The following TPTE variants were observed in gnomAD, a reference collection of about 807,000 sequenced individuals.
TPTE encodes transmembrane phosphatase with tensin homology.
A neutral mutation model predicts 84.1 loss-of-function variants in TPTE; 59 were observed. The observed-to-expected ratio is 0.70, with a 90% CI of 0.57 to 0.87. The LOEUF (loss-of-function observed/expected upper bound fraction) is 0.87. TPTE is among the 40% of genes least tolerant of loss of function. TPTE has a pLI of 0.00. For synonymous variants in TPTE, 130 were observed against 223.5 expected, an observed-to-expected ratio of 0.58 and a Z score of 3.73; for missense variants, 382 against 659.6, an observed-to-expected ratio of 0.58 and a Z score of 4.61.
chr21:10,531,948 A>G (rs149296495), intron 3 of TPTE, among the ~76,000 whole-genome samples: 6 of 152,296 alleles, frequency 3.9e-5, no homozygotes, highest in Admixed American at 3.9e-4. Context: ...TTATGTAATC[A>G]TTGTCAATGA....
chr21:10,601,520 A>T (rs113959703), intron 21 of TPTE, among the ~76,000 whole-genome samples: 139 of 151,956 alleles, frequency 9.1e-4, no homozygotes, highest in African/African-American at 3.2e-3. Flanking sequence ...AGAAAAGAAA[A>T]GTGGTTCATG....
intron 9 of TPTE, among the ~76,000 whole-genome samples, chr21:10,560,761 T>C (rs964166747): frequency 2.0e-5 from 3 of 152,306 alleles, no homozygotes; most frequent in Admixed American, 2.0e-4. Flanking sequence ...TACTTTTCTC[T>C]CTTGAGGTGT....
At chr21:10,585,733 C>A (rs1215667852) in intron 17 of TPTE, among the ~76,000 whole-genome samples, 1 of 152,304 alleles carries the variant, frequency 6.6e-6, no homozygotes, top group Non-Finnish European at 1.5e-5. Context: ...AGAGTTTTCT[C>A]TGGAGAGAAG....
At chr21:10,581,870 G>A (rs1487612992) in intron 17 of TPTE, among the ~76,000 whole-genome samples, 1 of 152,422 alleles carries the variant, frequency 6.6e-6, no homozygotes, top group Non-Finnish European at 1.5e-5. Flanking sequence ...GAGTAAGTGG[G>A]ACTACAGGTG....
At chr21:10,531,082 A>G (rs1207018507) in intron 3 of TPTE, among the ~76,000 whole-genome samples, 1 of 152,430 alleles carries the variant, frequency 6.6e-6, no homozygotes, top group Non-Finnish European at 1.5e-5. Flanking sequence ...TTTCTTTTAA[A>G]ATTATGTTTA....
At chr21:10,589,576 G>C (rs1305731825) in intron 17 of TPTE, among the ~76,000 whole-genome samples, 1 of 152,308 alleles carries the variant, frequency 6.6e-6, no homozygotes, top group Non-Finnish European at 1.5e-5. Context: ...AATGCCGGCA[G>C]CGTTTCCCTG....
intron 23 of TPTE, 95 bp from the exon 24 acceptor site, chr21:10,605,321 CT>C: frequency 1.4e-6 from 2 of 1,478,686 alleles, no homozygotes. Flanking sequence ...TGGTGAGGTT[CT>C]TTTTTTGTTT....
intron 14 of TPTE, among the ~76,000 whole-genome samples, chr21:10,575,418 A>T (rs1173953419): frequency 6.6e-6 from 1 of 152,430 alleles, no homozygotes; most frequent in South Asian, 2.1e-4. Context: ...AGTTTGGTCA[A>T]CTCAGCCATT....
chr21:10,564,558 A>G (rs2074876764), intron 10 of TPTE, among the ~76,000 whole-genome samples: 1 of 152,302 alleles, frequency 6.6e-6, no homozygotes, highest in Non-Finnish European at 1.5e-5. Flanking sequence ...CCAAAACCAA[A>G]AACATGCTAA....
At chr21:10,559,890 A>T (rs1411693028) in intron 9 of TPTE, among the ~76,000 whole-genome samples, 16 of 151,982 alleles carry the variant, frequency 1.1e-4, no homozygotes, top group Non-Finnish European at 2.1e-4. Context: ...AAAAAAAAAA[A>T]AAAGAAAAGA....
rs371040849 is a variant in TPTE, at chr21:10,592,258, G to A, written c.1090-35G>A. ...CTAATATAGGAAAGGAAAGAGTGCA[G>A]ATGAACCATGGTTGGATTGTACCCT... On this transcript the variant is annotated intron_variant, in intron 18 of 23. Transcript: ENST00000618007. 516 of 1,610,906 alleles carry A rather than the reference G, an allele frequency of 3.2e-4. No homozygotes were observed. In the African/African-American group the frequency reaches 6.3e-3, roughly 20 times the overall value.
intron 2 of TPTE, among the ~76,000 whole-genome samples, chr21:10,525,358 G>A (rs2074059777): frequency 6.6e-6 from 1 of 152,298 alleles, no homozygotes; most frequent in Non-Finnish European, 1.5e-5. Context: ...ATTTAGAGAC[G>A]ACACCCAAGG....
intron 3 of TPTE, among the ~76,000 whole-genome samples, chr21:10,530,509 A>G (rs1312840146): frequency 6.6e-6 from 1 of 152,312 alleles, no homozygotes; most frequent in Non-Finnish European, 1.5e-5. Flanking sequence ...CTTCTTGTGC[A>G]TACCTTTCGT....
chr21:10,574,771 A>G (rs1477873572), intron 14 of TPTE, among the ~76,000 whole-genome samples: 1 of 152,302 alleles, frequency 6.6e-6, no homozygotes, highest in Non-Finnish European at 1.5e-5. Flanking sequence ...TGTTTCTCTC[A>G]TGGATCTTTG....
At chr21:10,560,582 T>C (rs2074778932) in intron 9 of TPTE, among the ~76,000 whole-genome samples, 1 of 152,310 alleles carries the variant, frequency 6.6e-6, no homozygotes, top group Admixed American at 6.5e-5. Flanking sequence ...TCTTGGTCTT[T>C]TAAGAGCTTA....
intron 17 of TPTE, among the ~76,000 whole-genome samples, chr21:10,587,545 G>T (rs1366898643): frequency 6.6e-6 from 1 of 152,004 alleles, no homozygotes; most frequent in Non-Finnish European, 1.5e-5. Context: ...CAAAGGAAAT[G>T]ATTTCTTTTT....
At chr21:10,547,083 CT>C (rs1301325837) in intron 7 of TPTE, among the ~76,000 whole-genome samples, 2 of 152,310 alleles carry the variant, frequency 1.3e-5, no homozygotes, top group Non-Finnish European at 2.9e-5. Context: ...GGCCAATTCT[CT>C]TGTTAGGGGC....
chr21:10,561,520 ATAAT>A (rs1320074010), intron 10 of TPTE, among the ~76,000 whole-genome samples: 1 of 152,302 alleles, frequency 6.6e-6, no homozygotes, highest in African/African-American at 2.4e-5. Context: ...GCATTTTAAA[ATAAT>A]TAACGGGAGC....
At chr21:10,546,005 G>A (rs1332250034) in intron 7 of TPTE, among the ~76,000 whole-genome samples, 1 of 152,264 alleles carries the variant, frequency 6.6e-6, no homozygotes, top group East Asian at 1.9e-4. Context: ...ACATATATGT[G>A]TGTGTATATG....
Sources: allele counts gnomAD v4.1 joint callset (sites outside exome capture counted in the v4.1 genomes callset), GRCh38; gene constraint gnomAD v4.1.1; transcripts MANE v1.5; gene names NCBI Gene and HGNC (gene_info 2026-07-23, HGNC 2026-07-21).